The following PPP2R2C variants were observed in gnomAD, a reference collection of about 807,000 sequenced individuals.
The protein encoded by PPP2R2C is protein phosphatase 2 regulatory subunit Bgamma, also known as protein phosphatase 2, regulatory subunit B, gamma.
In PPP2R2C, 10 loss-of-function variants were observed where a neutral mutation model predicts 45.3. That is an observed-to-expected ratio of 0.22 (90% CI 0.14 to 0.37). PPP2R2C has a LOEUF of 0.37. PPP2R2C is among the 10% of genes least tolerant of loss of function. The pLI is 1.00. For synonymous variants in PPP2R2C, 257 were observed against 245.4 expected, an observed-to-expected ratio of 1.05 and a Z score of -0.44; for missense variants, 308 against 619.7, an observed-to-expected ratio of 0.50 and a Z score of 5.34.
At chr4:6,398,759 G>A (rs1023085059) in intron 1 of PPP2R2C, among the ~76,000 whole-genome samples, 10 of 152,154 alleles carry the variant, frequency 6.6e-5, no homozygotes, top group Admixed American at 3.3e-4. Flanking sequence ...CAAGAGTCAC[G>A]AAAGCTCACA....
intron 1 of PPP2R2C, chr4:6,384,688 A>G (rs978569420): frequency 5.1e-6 from 5 of 985,352 alleles, no homozygotes; most frequent in East Asian, 1.1e-4. Context: ...GTTACCAGGC[A>G]ACACACACTA....
At chr4:6,360,271 G>T (rs1208973400) in intron 5 of PPP2R2C, among the ~76,000 whole-genome samples, 1 of 152,230 alleles carries the variant, frequency 6.6e-6, no homozygotes, top group African/African-American at 2.4e-5. Flanking sequence ...TCCTCCCACT[G>T]TTCTGGAGTA....
At chr4:6,468,097 GACTA>G (rs761720273) in intron 1 of PPP2R2C, among the ~76,000 whole-genome samples, 6 of 152,218 alleles carry the variant, frequency 3.9e-5, no homozygotes, top group Admixed American at 2.6e-4. Flanking sequence ...GAAGAAGAGA[GACTA>G]ACTGTTGTGG....
chr4:6,333,894 A>G (rs552733292), intron 6 of PPP2R2C, among the ~76,000 whole-genome samples, 163 bp from the exon 7 acceptor site: 89 of 152,170 alleles, frequency 5.8e-4, no homozygotes, highest in Non-Finnish European at 9.8e-4. Context: ...CAAGCCTGGT[A>G]AGATTCTGTG....
rs528727370 is a variant in PPP2R2C at position 6,369,367 on chromosome 4, G to A, written c.625+3156C>T. 2.0e-4 allele frequency among the ~76,000 whole-genome samples: 30 copies of A among 152,326 alleles called. No individual in the cohort carries two copies. In the South Asian group the frequency reaches 5.6e-3, roughly 28 times the overall value. Reference sequence around the variant, plus strand: ...TTCCCACCATTTTGTGTGCACAGCCGTTATGGTTGAGGCTACCTCCTATTT... The same window carrying A: ...TTCCCACCATTTTGTGTGCACAGCCATTATGGTTGAGGCTACCTCCTATTT... On this transcript the variant is annotated intron_variant, in intron 5 of 8. Transcript: ENST00000382599.
intron 4 of PPP2R2C, among the ~76,000 whole-genome samples, chr4:6,373,322 G>A (rs1024871866): frequency 2.0e-5 from 3 of 152,236 alleles, no homozygotes; most frequent in Admixed American, 6.5e-5. Context: ...GCATTTCCGT[G>A]CTCGGCCCTG....
intron 1 of PPP2R2C, chr4:6,384,475 A>G: frequency 1.0e-6 from 1 of 981,904 alleles, no homozygotes; most frequent in Non-Finnish European, 1.2e-6. Context: ...TTCTATAATG[A>G]AGTTACATCA....
intron 1 of PPP2R2C, among the ~76,000 whole-genome samples, chr4:6,465,346 C>A (rs969305154): frequency 1.3e-5 from 2 of 152,046 alleles, no homozygotes; most frequent in African/African-American, 4.8e-5. Flanking sequence ...GAGAGGAGCA[C>A]GGACATTTAA....
intron 6 of PPP2R2C, among the ~76,000 whole-genome samples, chr4:6,337,602 C>G (rs1243913797): frequency 6.6e-6 from 1 of 152,148 alleles, no homozygotes; most frequent in Non-Finnish European, 1.5e-5. Context: ...ACCTTGAGGG[C>G]TGGTCTAGGT....
chr4:6,346,489 T>C lies in PPP2R2C; in HGVS notation c.790+1357A>G, dbSNP rs377380713. ...TGGGTGTTGGTGCCATTGCTCACCA[T>C]GCCCTGACATGCGTCAGGTGTGTGT... On this transcript the variant is annotated intron_variant, in intron 6 of 8. Transcript: ENST00000382599. 3.3e-5 allele frequency among the ~76,000 whole-genome samples: 5 copies of C among 152,302 alleles called. No individual in the cohort carries two copies. In the East Asian group the frequency reaches 7.7e-4, roughly 24 times the overall value.
intron 1 of PPP2R2C, among the ~76,000 whole-genome samples, chr4:6,543,968 C>T (rs894503167): frequency 2.2e-4 from 33 of 152,258 alleles, no homozygotes; most frequent in African/African-American, 4.6e-4. Context: ...GCAGCCTTCA[C>T]TCATCCAAGG....
chr4:6,460,964 CCA>C, intron 1 of PPP2R2C, among the ~76,000 whole-genome samples: 1 of 152,252 alleles, frequency 6.6e-6, no homozygotes. Context: ...CCACCCCACC[CCA>C]CACACATCCT....
At chr4:6,461,936 C>T (rs545343667) in intron 1 of PPP2R2C, among the ~76,000 whole-genome samples, 3 of 152,202 alleles carry the variant, frequency 2.0e-5, no homozygotes, top group Non-Finnish European at 4.4e-5. Flanking sequence ...CCACGGAGCA[C>T]GTGGCATGCA....
intron 8 of PPP2R2C, 147 bp from the exon 9 acceptor site, chr4:6,323,740 A>G: frequency 9.3e-6 from 7 of 749,596 alleles, no homozygotes; most frequent in African/African-American, 8.8e-5. Flanking sequence ...GTTCAAGACC[A>G]GCCTGGACAA....
chr4:6,451,827 C>T (rs1178985989), intron 1 of PPP2R2C, among the ~76,000 whole-genome samples: 1 of 152,052 alleles, frequency 6.6e-6, no homozygotes, highest in Non-Finnish European at 1.5e-5. Flanking sequence ...AAGTTTGAAA[C>T]CCCCAAGAGA....
chr4:6,553,785 C>A (rs1725265618), intron 1 of PPP2R2C, among the ~76,000 whole-genome samples: 1 of 152,136 alleles, frequency 6.6e-6, no homozygotes, highest in Non-Finnish European at 1.5e-5. Context: ...TAAGAAGCAT[C>A]CCCGTGGATC....
At chr4:6,460,526 T>G (rs2108756747) in intron 1 of PPP2R2C, among the ~76,000 whole-genome samples, 1 of 152,298 alleles carries the variant, frequency 6.6e-6, no homozygotes, top group Non-Finnish European at 1.5e-5. Context: ...CTGTGTTATT[T>G]TCTAAGCTAG....
intron 6 of PPP2R2C, among the ~76,000 whole-genome samples, chr4:6,344,611 T>G (rs1193914155): frequency 6.6e-6 from 1 of 152,158 alleles, no homozygotes. Flanking sequence ...CACACATGTG[T>G]TTTCTGATTC....
intron 1 of PPP2R2C, among the ~76,000 whole-genome samples, chr4:6,550,334 C>T (rs1278615963): frequency 6.6e-6 from 1 of 152,052 alleles, no homozygotes; most frequent in Non-Finnish European, 1.5e-5. Flanking sequence ...GCCCTCAGGC[C>T]AGCACATGAG....
Sources: gnomAD v4.1 joint callset for allele counts (sites outside exome capture counted in the v4.1 genomes callset) on GRCh38, gnomAD v4.1.1 for gene constraint, MANE v1.5 for transcripts, NCBI Gene and HGNC (gene_info 2026-07-23, HGNC 2026-07-21) for gene names.